DGKB: variants seen among roughly 807,000 people sequenced by gnomAD.
The protein encoded by DGKB is diacylglycerol kinase beta, also known as 90 kDa diacylglycerol kinase.
DGKB carries 67 observed loss-of-function variants against 114.3 expected under a neutral mutation model. That is an observed-to-expected ratio of 0.59 (90% CI 0.48 to 0.72). The LOEUF (loss-of-function observed/expected upper bound fraction) is 0.72, where lower values mean the gene tolerates loss of function less well. Among genes scored for constraint, DGKB ranks in the 30% least tolerant of loss-of-function variants. The pLI is 0.00. For missense variants in DGKB, 907 were observed against 975.2 expected, an observed-to-expected ratio of 0.93 and a Z score of 0.93; for synonymous variants, 398 against 323.1, an observed-to-expected ratio of 1.23 and a Z score of -2.49.
chr7:14,801,960 A>T (rs567110645), intron 2 of DGKB, among the ~76,000 whole-genome samples: 1 of 151,208 alleles, frequency 6.6e-6, no homozygotes, highest in African/African-American at 2.4e-5. Flanking sequence ...ACACACATAT[A>T]CCCCACACAT....
At chr7:14,855,106 A>G (rs1434916026) in intron 1 of DGKB, among the ~76,000 whole-genome samples, 2 of 152,232 alleles carry the variant, frequency 1.3e-5, no homozygotes, top group Non-Finnish European at 2.9e-5. Context: ...AGACAAATTC[A>G]AGGTGTGAAA....
intron 21 of DGKB, among the ~76,000 whole-genome samples, chr7:14,466,304 A>G (rs1352930235): frequency 6.6e-6 from 1 of 152,192 alleles, no homozygotes; most frequent in Non-Finnish European, 1.5e-5. Flanking sequence ...CATGCCTGTA[A>G]TCCCAGCACT....
At chr7:14,812,224 A>C (rs1392344838) in intron 2 of DGKB, among the ~76,000 whole-genome samples, 1 of 152,136 alleles carries the variant, frequency 6.6e-6, no homozygotes, top group Non-Finnish European at 1.5e-5. Flanking sequence ...GCTTTTAGTT[A>C]TTATGAATAA....
chr7:14,259,515 A>C (rs40540), intron 23 of DGKB, among the ~76,000 whole-genome samples: 82,220 of 151,774 alleles, frequency 0.54, 24,412 homozygotes, highest in East Asian at 0.99. Flanking sequence ...CAACTTCTGC[A>C]TCCCGGCTTC....
chr7:14,691,564 A>G (rs1822868136), intron 9 of DGKB, among the ~76,000 whole-genome samples: 1 of 152,202 alleles, frequency 6.6e-6, no homozygotes, highest in Non-Finnish European at 1.5e-5. Context: ...TAAAACAATT[A>G]CCATGCCTTA....
At chr7:14,629,971 C>G (rs1809387370) in intron 14 of DGKB, among the ~76,000 whole-genome samples, 1 of 151,872 alleles carries the variant, frequency 6.6e-6, no homozygotes, top group South Asian at 2.1e-4. Context: ...GTAAAGTAAC[C>G]TTTATTTTTC....
intron 13 of DGKB, among the ~76,000 whole-genome samples, chr7:14,652,476 T>C (rs1814766271): frequency 6.6e-6 from 1 of 152,012 alleles, no homozygotes; most frequent in African/African-American, 2.4e-5. Context: ...GATCCCTTCC[T>C]TACACCTTAT....
At chr7:14,149,852 T>C (rs1200037901) in intron 25 of DGKB, among the ~76,000 whole-genome samples, 2 of 152,180 alleles carry the variant, frequency 1.3e-5, no homozygotes, top group Non-Finnish European at 2.9e-5. Flanking sequence ...GAATCAAATA[T>C]TGAAAAGCCT....
intron 2 of DGKB, among the ~76,000 whole-genome samples, chr7:14,812,750 T>C (rs941482007): frequency 2.6e-5 from 4 of 152,302 alleles, no homozygotes; most frequent in African/African-American, 9.6e-5. Flanking sequence ...CTCCCACACG[T>C]GAACTATTCT....
At chr7:14,898,782 G>T (rs1782515870) in intron 1 of DGKB, among the ~76,000 whole-genome samples, 1 of 152,104 alleles carries the variant, frequency 6.6e-6, no homozygotes, top group African/African-American at 2.4e-5. Flanking sequence ...GGAGCATCCA[G>T]TTCGCTTATG....
At chr7:14,349,151 C>A (rs1434475924) in intron 21 of DGKB, among the ~76,000 whole-genome samples, 1 of 151,824 alleles carries the variant, frequency 6.6e-6, no homozygotes, top group African/African-American at 2.4e-5. Flanking sequence ...AAGGCCTAAC[C>A]AAATGGCAAC....
chr7:14,527,183 G>C (rs924891539), intron 20 of DGKB, among the ~76,000 whole-genome samples: 1 of 152,040 alleles, frequency 6.6e-6, no homozygotes, highest in African/African-American at 2.4e-5. Flanking sequence ...TAATTGAAAA[G>C]TCATTAAAGC....
chr7:14,682,622 A>G lies in DGKB; in HGVS notation c.966T>C (p.Asp322=). The G allele has an allele frequency of 6.2e-7, 1 of 1,613,586 alleles. No homozygotes were observed. The highest frequency in any genetic ancestry group is 8.5e-7 in the Non-Finnish European group (1 of 1,179,618). Residue 322 remains aspartate, a synonymous_variant, in exon 12 of 26, where the codon GAT becomes GAC. Transcript: ENST00000402815. The part of the protein sequence containing the change: ...WVEGNCPTKC[D]KCHKTVKCYQ... ...AACATTTAACAGTTTTGTGGCACTT[A>G]TCACACTTGGTTGGGCAGTTACCTT...
chr7:14,729,273 C>G (rs546807497), intron 5 of DGKB, among the ~76,000 whole-genome samples: 2 of 144,544 alleles, frequency 1.4e-5, no homozygotes, highest in African/African-American at 5.0e-5. Context: ...CAGGCGCCTG[C>G]CACCACATCC....
intron 23 of DGKB, among the ~76,000 whole-genome samples, chr7:14,208,301 A>C (rs1787161777): frequency 6.6e-6 from 1 of 152,062 alleles, no homozygotes. Context: ...GAACAGGAAT[A>C]GTGGGGACTA....
intron 25 of DGKB, among the ~76,000 whole-genome samples, chr7:14,158,489 A>G (rs143005660): frequency 0.011 from 1,606 of 152,350 alleles, 10 homozygotes; most frequent in Non-Finnish European, 0.015. Flanking sequence ...CTGTCTTATT[A>G]GAAGAAGAAA....
rs191723202 is a variant in DGKB at position 14,962,998 on chromosome 7, G to A, written c.-188+11698C>T. Among the ~76,000 whole-genome samples, 28 of 152,002 alleles carry A rather than the reference G, an allele frequency of 1.8e-4. No homozygotes were observed. In the East Asian group the frequency reaches 5.1e-3, roughly 27 times the overall value. ...TGAGCACTTTCATTTTCTCTCTTCC[G>A]TTCTCATATTTGTTTCCCTTGCCCT... On this transcript the variant is annotated intron_variant, in intron 1 of 4. Coordinates refer to the DGKB transcript ENST00000437998.
chr7:14,301,849 A>G (rs191234087), intron 23 of DGKB, among the ~76,000 whole-genome samples: 1 of 152,114 alleles, frequency 6.6e-6, no homozygotes, highest in Admixed American at 6.6e-5. Flanking sequence ...GATCAAGTGT[A>G]CAGTGCTTTT....
intron 23 of DGKB, among the ~76,000 whole-genome samples, chr7:14,190,565 T>A (rs896478463): frequency 1.3e-5 from 2 of 151,874 alleles, no homozygotes; most frequent in Non-Finnish European, 2.9e-5. Context: ...ATAAACAAAA[T>A]TGATGCTAAG....
Sources: allele counts gnomAD v4.1 joint callset (sites outside exome capture counted in the v4.1 genomes callset), GRCh38; gene constraint gnomAD v4.1.1; transcripts MANE v1.5; gene names NCBI Gene and HGNC (gene_info 2026-07-23, HGNC 2026-07-21).